RCVRN: variants seen among roughly 807,000 people sequenced by gnomAD.
The protein encoded by RCVRN is cancer associated retinopathy antigen.
RCVRN carries 23 observed loss-of-function variants against 20.4 expected under a neutral mutation model. That is an observed-to-expected ratio of 1.13 (90% CI 0.81 to 1.60). RCVRN has a LOEUF of 1.60. RCVRN is among the 40% of genes most tolerant of loss of function. The pLI is 0.00. For synonymous variants in RCVRN, 105 were observed against 105.9 expected, an observed-to-expected ratio of 0.99 and a Z score of 0.05; for missense variants, 254 against 254.2, an observed-to-expected ratio of 1.00 and a Z score of 0.00.
In RCVRN at chr17:9,898,099, G is replaced by T; in HGVS notation, c.599C>A (p.Ala200Asp). Residue 200 changes from alanine (A) to aspartate (D), a missense_variant, in exon 3 of 3, where the codon GCC becomes GAC. Coordinates refer to ENST00000226193, the MANE Select transcript of RCVRN (RefSeq NM_002903.3). ...AGGACAGCTGAACAGTTGGCATCAG[G>T]CGTTCTTCATCTTTTCCTTCACTTT... is the stretch of plus-strand genomic sequence containing the variant. ...PQKVKEKMKN[A>D] The T allele has an allele frequency of 6.2e-7, 1 of 1,611,096 alleles. No individual in the cohort carries two copies. The highest frequency in any genetic ancestry group is 8.5e-7 in the Non-Finnish European group (1 of 1,177,262).
In RCVRN at chr17:9,901,009, T is replaced by C. The variant is rs750027493; in HGVS notation, c.473A>G (p.Tyr158Cys). Reference sequence around the variant, plus strand: ...TTCACCATCATCATTCTTTCCAAAGTACTTCCAGATCTTCTCGGCTCGCTT... The same window carrying C: ...TTCACCATCATCATTCTTTCCAAAGCACTTCCAGATCTTCTCGGCTCGCTT... The part of the protein sequence containing the change: ...PEKRAEKIWK[Y>C]FGKNDDDKLT... Residue 158 changes from tyrosine (Y) to cysteine (C), a missense_variant, in exon 2 of 3, where the codon TAC becomes TGC. By Grantham distance (194) the Tyr-to-Cys change is radical. Coordinates refer to ENST00000226193, the MANE Select transcript of RCVRN (RefSeq NM_002903.3). 6.2e-7 allele frequency: 1 copy of C among 1,605,710 alleles called. No homozygotes were observed. The highest frequency in any genetic ancestry group is 1.1e-5 in the South Asian group (1 of 90,622).
intron 2 of RCVRN, among the ~76,000 whole-genome samples, chr17:9,900,240 C>A (rs936074748): frequency 1.3e-5 from 2 of 152,158 alleles, no homozygotes; most frequent in Non-Finnish European, 2.9e-5. Context: ...ATACCAGCTC[C>A]TTTACCGCAT....
rs1466095126 is a variant in RCVRN, at chr17:9,904,806, G to C, written c.375C>G (p.Ile125Met). The change falls in exon 1 of 3, where the codon ATC becomes ATG. Residue 125 changes from isoleucine (I) to methionine (M), a missense_variant. Ile to Met is a conservative substitution (Grantham distance 10, BLOSUM62 1). Coordinates refer to ENST00000226193, the MANE Select transcript of RCVRN (RefSeq NM_002903.3). The surrounding 1 kb of genome is among the most constrained non-coding windows in gnomAD (Gnocchi z 5.8). ...GTISKNEVLE[I>M]VMAIFKMITP... Reference sequence around the variant, plus strand: ...GGGGAGAGGGGAGACTGACCATGACGATCTCCAGCACTTCATTCTTGCTGA... The same window carrying C: ...GGGGAGAGGGGAGACTGACCATGACCATCTCCAGCACTTCATTCTTGCTGA... The C allele has an allele frequency of 6.2e-7, 1 of 1,613,346 alleles. No individual in the cohort carries two copies. The highest frequency in any genetic ancestry group is 1.1e-5 in the South Asian group (1 of 91,034).
rs1361436037 is a variant in RCVRN, at chr17:9,899,914, C to G, written c.493+1075G>C. The stretch of plus-strand genomic sequence containing the variant: ...CCTGCTCAGCTTTTTCTTCTTGAAC[C>G]TTGGCAGAAGACTGCCTCCAGAGGT... On this transcript the variant is annotated intron_variant, in intron 2 of 2. Transcript: ENST00000226193. This position sits in a 1 kb window ranked among gnomAD's most constrained non-coding sequence, Gnocchi z 4.6. Among the ~76,000 whole-genome samples, 1 of 152,148 alleles carries G rather than the reference C, an allele frequency of 6.6e-6. No homozygotes were observed. Among genetic ancestry groups the G allele is most frequent in the Non-Finnish European group, 1.5e-5 (1 of 68,014 alleles).
At position 9,899,087 on chromosome 17, in the gene RCVRN, CG is replaced by C. The variant is rs2067331097; in HGVS notation, c.494-884del. ...CCTCCCTGGGAAACTGTTGACCTGG[CG>C]GGGAAGGCAGTCACACGCAGAAATA... is the stretch of plus-strand genomic sequence containing the variant. On this transcript the variant is annotated intron_variant, in intron 2 of 2. Coordinates refer to ENST00000226193, the MANE Select transcript of RCVRN (RefSeq NM_002903.3). The surrounding 1 kb of genome is among the most constrained non-coding windows in gnomAD (Gnocchi z 4.6). Among the ~76,000 whole-genome samples, 1 of 152,132 alleles carries C rather than the reference CG, an allele frequency of 6.6e-6. No individual in the cohort carries two copies. Among genetic ancestry groups the C allele is most frequent in the African/African-American group, 2.4e-5 (1 of 41,424 alleles).
At position 9,901,119 on chromosome 17, in the gene RCVRN, A is replaced by T; in HGVS notation, c.382-19T>A. ...AAATAGCCTGTACCAAACAGAAAGA[A>T]AGAACTCGTTAGGAGGAACTTTAAG... is the stretch of plus-strand genomic sequence containing the variant. On this transcript the variant is annotated intron_variant, in intron 1 of 2. Coordinates refer to ENST00000226193, the MANE Select transcript of RCVRN (RefSeq NM_002903.3). 6.9e-7 allele frequency: 1 copy of T among 1,459,782 alleles called. No homozygotes were observed. The highest frequency in any genetic ancestry group is 9.5e-7 in the Non-Finnish European group (1 of 1,052,032). The allele number at this position is 1,459,782 out of a possible 1,614,324, so 90.4% of individuals were successfully genotyped here. A position where few individuals can be genotyped will look rare whatever the true frequency, so the allele number is the denominator to read the frequency against.
chr17:9,901,449 G>C (rs759958956), intron 1 of RCVRN, among the ~76,000 whole-genome samples: 2 of 108,788 alleles, frequency 1.8e-5, no homozygotes, highest in African/African-American at 2.6e-5. Flanking sequence ...AACCATTTGC[G>C]TTCTGCCTCC....
chr17:9,897,851 G>T lies in RCVRN; in HGVS notation c.*244C>A. 1 of 492,580 alleles carries T rather than the reference G, an allele frequency of 2.0e-6. No individual in the cohort carries two copies. Among genetic ancestry groups the T allele is most frequent in the South Asian group, 2.4e-5 (1 of 41,414 alleles). The allele number at this position is 492,580 out of a possible 1,614,324, so 30.5% of individuals were successfully genotyped here. ...GGCTGGTGGACAGAGGGAGGGGTGG[G>T]ACCGGGCATGATGGGAGGGAATGCT... is the stretch of plus-strand genomic sequence containing the variant. On this transcript the variant is annotated 3_prime_UTR_variant, in exon 3 of 3. Coordinates refer to ENST00000226193, the MANE Select transcript of RCVRN (RefSeq NM_002903.3).
Position 9,897,982 on chromosome 17 carries a change from A to ATGTGTGTG in RCVRN, c.*105_*112dup, listed in dbSNP as rs150159863. 4,776 of 651,298 alleles carry ATGTGTGTG rather than the reference A, an allele frequency of 7.3e-3. 19 individuals carry two copies. The highest frequency in any genetic ancestry group is 0.044 in the East Asian group (1,634 of 36,804). 40.3% of individuals were successfully genotyped at this position (651,298 alleles called of 1,614,324 possible). On this transcript the variant is annotated 3_prime_UTR_variant, in exon 3 of 3. Transcript: ENST00000226193. ...GGCCTTTCTCTTGGCCCTGGGGTGG[A>ATGTGTGTG]TGTGTGTGTGTGTGTGTGCGCGCGC...
intron 1 of RCVRN, among the ~76,000 whole-genome samples, chr17:9,901,543 T>C (rs1427776547): frequency 2.0e-5 from 3 of 149,920 alleles, no homozygotes; most frequent in African/African-American, 7.3e-5. Flanking sequence ...CTTTGAGAAG[T>C]TTCCCTTCAG....
At position 9,897,463 on chromosome 17, in the gene RCVRN, C is replaced by G. The variant is rs1409299853; in HGVS notation, c.*632G>C. On this transcript the variant is annotated 3_prime_UTR_variant, in exon 3 of 3. Coordinates refer to ENST00000226193, the MANE Select transcript of RCVRN (RefSeq NM_002903.3). ...CCCTGATCCCCCCTGACAAGTCAGC[C>G]CCTTCCACTGTGTCCTCCCCTGGTG... The G allele has an allele frequency of 6.6e-6, 1 of 152,216 alleles. No homozygotes were observed. Among genetic ancestry groups the G allele is most frequent in the Non-Finnish European group, 1.5e-5 (1 of 68,190 alleles). 9.4% of individuals were successfully genotyped at this position (152,216 alleles called of 1,614,324 possible).
intron 1 of RCVRN, among the ~76,000 whole-genome samples, chr17:9,903,891 T>C (rs1260738674): frequency 1.3e-5 from 2 of 152,192 alleles, no homozygotes; most frequent in African/African-American, 4.8e-5. Flanking sequence ...TGGTAAGTAT[T>C]TGTGCATCTA....
intron 1 of RCVRN, among the ~76,000 whole-genome samples, chr17:9,902,920 G>A (rs1036698328): frequency 3.3e-5 from 5 of 152,092 alleles, no homozygotes; most frequent in African/African-American, 1.2e-4. Flanking sequence ...ACCCAGGAGG[G>A]GGAGGTTGCA....
At position 9,905,214 on chromosome 17, in the gene RCVRN, G is replaced by C. The variant is rs374679231; in HGVS notation, c.-34C>G. On this transcript the variant is annotated 5_prime_UTR_variant, in exon 1 of 3. Transcript: ENST00000226193. ...AAGAGTGGGCAGCGGCTGGGGAGTC[G>C]CTGGGTGGGTGGGACGTGCGTGGTC... 1 of 1,567,788 alleles carries C rather than the reference G, an allele frequency of 6.4e-7. No homozygotes were observed. Among genetic ancestry groups the C allele is most frequent in the African/African-American group, 1.3e-5 (1 of 74,304 alleles).
At chr17:9,903,039 C>G (rs2067348350) in intron 1 of RCVRN, among the ~76,000 whole-genome samples, 1 of 152,008 alleles carries the variant, frequency 6.6e-6, no homozygotes, top group African/African-American at 2.4e-5. Flanking sequence ...ATGGAAAGCA[C>G]TCATGATAAA....
intron 1 of RCVRN, among the ~76,000 whole-genome samples, chr17:9,903,978 G>A (rs541409841): frequency 1.1e-4 from 16 of 152,204 alleles, no homozygotes; most frequent in Non-Finnish European, 2.2e-4. Context: ...AGTGGCTCAT[G>A]CCTGTAAATC....
Position 9,899,967 on chromosome 17 carries a change from G to T in RCVRN, c.493+1022C>A, listed in dbSNP as rs1028275018. Reference sequence around the variant, plus strand: ...CCAAAGGGGTTAATACAGGACCCTTGGATGTGTTTGGGCCATGCTGTGTTT... The same window carrying T: ...CCAAAGGGGTTAATACAGGACCCTTTGATGTGTTTGGGCCATGCTGTGTTT... On this transcript the variant is annotated intron_variant, in intron 2 of 2. Coordinates refer to ENST00000226193, the MANE Select transcript of RCVRN (RefSeq NM_002903.3). This position sits in a 1 kb window ranked among gnomAD's most constrained non-coding sequence, Gnocchi z 4.6. Among the ~76,000 whole-genome samples, 2 of 152,126 alleles carry T rather than the reference G, an allele frequency of 1.3e-5. No individual in the cohort carries two copies. The highest frequency in any genetic ancestry group is 2.9e-5 in the Non-Finnish European group (2 of 68,020).
chr17:9,903,441 C>T (rs1478469768), intron 1 of RCVRN, among the ~76,000 whole-genome samples: 12 of 152,276 alleles, frequency 7.9e-5, no homozygotes, highest in East Asian at 3.9e-4. Context: ...GCGTGGGAAG[C>T]GGGGGCTCAT....
chr17:9,904,649 A>G lies in RCVRN; in HGVS notation c.381+151T>C, dbSNP rs1249089082. ...AAGTGCCCACCCCTCTATCAATATC[A>G]GCATCTCGGAGCACCACGCTCTCAG... On this transcript the variant is annotated intron_variant, in intron 1 of 2. Transcript: ENST00000226193. This position sits in a 1 kb window ranked among gnomAD's most constrained non-coding sequence, Gnocchi z 5.8. 3.4e-5 allele frequency: 29 copies of G among 841,416 alleles called. No individual in the cohort carries two copies. Among genetic ancestry groups the G allele is most frequent in the Non-Finnish European group, 5.4e-5 (29 of 541,874 alleles). The allele number at this position is 841,416 out of a possible 1,614,324, so 52.1% of individuals were successfully genotyped here.
Sources: gnomAD v4.1 joint callset for allele counts (sites outside exome capture counted in the v4.1 genomes callset) on GRCh38, gnomAD v4.1.1 for gene constraint, Gnocchi (gnomAD v3.1) non-coding constraint, MANE v1.5 for transcripts, NCBI Gene and HGNC (gene_info 2026-07-23, HGNC 2026-07-21) for gene names.